KIAA1217: variants seen among roughly 807,000 people sequenced by gnomAD.
The protein encoded by KIAA1217 is sickle tail protein homolog.
Under a neutral mutation model 163.9 loss-of-function variants are expected in KIAA1217, and 88 were observed. That is an observed-to-expected ratio of 0.54 (90% CI 0.45 to 0.64). The LOEUF is 0.64. Among genes scored for constraint, KIAA1217 ranks in the 30% least tolerant of loss-of-function variants. The probability of loss-of-function intolerance (pLI) is 0.00; values close to 1 mark genes in which losing one functional copy is unlikely to be tolerated. For missense variants in KIAA1217, 2,372 were observed against 2,475.0 expected (o/e 0.96, Z 0.88); for synonymous variants, 903 against 923.1 (o/e 0.98, Z 0.39).
At chr10:24,498,988 A>G (rs966655393) in intron 8 of KIAA1217, among the ~76,000 whole-genome samples, 6 of 152,302 alleles carry the variant, frequency 3.9e-5, no homozygotes, top group Middle Eastern at 3.4e-3. Flanking sequence ...AGAATGTGTG[A>G]TTTCCTTTGG....
chr10:24,315,018 G>A (rs1267840572), intron 2 of KIAA1217, among the ~76,000 whole-genome samples: 7 of 152,136 alleles, frequency 4.6e-5, no homozygotes, highest in African/African-American at 1.7e-4. Context: ...CTTTCGGGAG[G>A]CTTTCCATCT....
At chr10:24,519,820 T>A (rs953738015) in intron 10 of KIAA1217, among the ~76,000 whole-genome samples, 7 of 152,140 alleles carry the variant, frequency 4.6e-5, no homozygotes, top group African/African-American at 1.7e-4. Flanking sequence ...TCTGTCCCTC[T>A]GTTGGCATCA....
intron 1 of KIAA1217, among the ~76,000 whole-genome samples, chr10:23,711,488 G>A (rs1477144839): frequency 6.6e-6 from 1 of 152,174 alleles, no homozygotes; most frequent in Non-Finnish European, 1.5e-5. Flanking sequence ...TCTCTTGGCA[G>A]ACAGCGTGGT....
chr10:24,137,742 A>T (rs1357160512), intron 2 of KIAA1217, among the ~76,000 whole-genome samples: 1 of 152,220 alleles, frequency 6.6e-6, no homozygotes, highest in Admixed American at 6.5e-5. Flanking sequence ...AAAATATCCT[A>T]TTCATTCTAA....
At chr10:24,256,797 C>A (rs1471120482) in intron 2 of KIAA1217, among the ~76,000 whole-genome samples, 2 of 152,132 alleles carry the variant, frequency 1.3e-5, no homozygotes, top group Non-Finnish European at 2.9e-5. Flanking sequence ...GTTCAGATAT[C>A]TTTGTGTTGA....
chr10:23,964,130 TTGACTTCA>T (rs1173659726), intron 1 of KIAA1217, among the ~76,000 whole-genome samples: 2 of 151,930 alleles, frequency 1.3e-5, no homozygotes, highest in African/African-American at 4.8e-5. Flanking sequence ...TCCCCATCTC[TTGACTTCA>T]TGATCCACCC....
chr10:23,782,721 A>G (rs1835313712), intron 1 of KIAA1217, among the ~76,000 whole-genome samples: 1 of 152,152 alleles, frequency 6.6e-6, no homozygotes, highest in Admixed American at 6.6e-5. Context: ...TAGACCTAAC[A>G]ATTATTTTTT....
intron 8 of KIAA1217, 121 bp from the exon 9 acceptor site, chr10:24,501,258 A>AT (rs2067545194): frequency 7.4e-6 from 6 of 808,914 alleles, no homozygotes; most frequent in African/African-American, 1.7e-5. Flanking sequence ...ATATATGCAT[A>AT]TTTTTTGTAA....
At chr10:24,187,604 G>T (rs1422277695) in intron 2 of KIAA1217, among the ~76,000 whole-genome samples, 1 of 152,116 alleles carries the variant, frequency 6.6e-6, no homozygotes, top group Non-Finnish European at 1.5e-5. Flanking sequence ...AGAAAATAAG[G>T]CAATGGCCAG....
chr10:24,420,330 T>A (rs544833086), intron 3 of KIAA1217, among the ~76,000 whole-genome samples: 3 of 152,364 alleles, frequency 2.0e-5, no homozygotes, highest in Admixed American at 6.5e-5. Context: ...TCTCATTGAA[T>A]TGCCTATTTA....
chr10:23,883,013 C>T (rs1165620239), intron 1 of KIAA1217, among the ~76,000 whole-genome samples: 1 of 151,746 alleles, frequency 6.6e-6, no homozygotes, highest in Admixed American at 6.6e-5. Flanking sequence ...TCTCTTTTAC[C>T]TAGAATGATT....
intron 20 of KIAA1217, chr10:24,545,477 T>C: frequency 1.6e-6 from 2 of 1,278,764 alleles, no homozygotes; most frequent in Non-Finnish European, 2.0e-6. Context: ...ATGTTGACTG[T>C]ATTGTGTTAG....
At chr10:24,458,944 A>G (rs528077182) in intron 5 of KIAA1217, among the ~76,000 whole-genome samples, 200 of 152,286 alleles carry the variant, frequency 1.3e-3, no homozygotes, top group Non-Finnish European at 2.1e-3. Flanking sequence ...GTGGTTCTCA[A>G]AGAGTATTCC....
At chr10:23,922,541 A>T (rs1842886952) in intron 1 of KIAA1217, among the ~76,000 whole-genome samples, 1 of 152,142 alleles carries the variant, frequency 6.6e-6, no homozygotes, top group Non-Finnish European at 1.5e-5. Flanking sequence ...CTGAACCCTT[A>T]ACCTGTGGGG....
intron 2 of KIAA1217, among the ~76,000 whole-genome samples, chr10:24,049,611 T>C (rs571396924): frequency 9.2e-5 from 14 of 152,272 alleles, no homozygotes; most frequent in South Asian, 6.2e-4. Context: ...TCCAGCTTCA[T>C]CCATGTCCCT....
chr10:24,503,028 T>C (rs886738746), intron 9 of KIAA1217, among the ~76,000 whole-genome samples: 2 of 152,254 alleles, frequency 1.3e-5, no homozygotes, highest in Non-Finnish European at 2.9e-5. Flanking sequence ...GGAGCAGCCA[T>C]GGGGATGCAA....
At chr10:23,971,776 C>T (rs1845328010) in intron 1 of KIAA1217, among the ~76,000 whole-genome samples, 1 of 152,064 alleles carries the variant, frequency 6.6e-6, no homozygotes, top group Admixed American at 6.6e-5. Flanking sequence ...TTTCTTGATC[C>T]AGGAGAAAAT....
chr10:24,304,949 G>C (rs1465503587), intron 2 of KIAA1217, among the ~76,000 whole-genome samples: 3 of 152,084 alleles, frequency 2.0e-5, no homozygotes, highest in Non-Finnish European at 4.4e-5. Flanking sequence ...AAAATTTAGA[G>C]CCCAGGGTAC....
intron 2 of KIAA1217, among the ~76,000 whole-genome samples, chr10:24,181,243 C>T (rs1019264244): frequency 1.3e-5 from 2 of 152,204 alleles, no homozygotes; most frequent in African/African-American, 4.8e-5. Flanking sequence ...AGAGGGGAAC[C>T]TAATCTGGCA....
Sources: gnomAD v4.1 joint callset for allele counts (sites outside exome capture counted in the v4.1 genomes callset) on GRCh38, gnomAD v4.1.1 for gene constraint, MANE v1.5 for transcripts, NCBI Gene and HGNC (gene_info 2026-07-23, HGNC 2026-07-21) for gene names.